The following GALNTL6 variants were observed in gnomAD, a reference collection of about 807,000 sequenced individuals.
GALNTL6 encodes polypeptide N-acetylgalactosaminyltransferase-like 6.
A neutral mutation model predicts 73.7 loss-of-function variants in GALNTL6; 46 were observed. That is an observed-to-expected ratio of 0.62 (90% CI 0.49 to 0.80). The LOEUF is 0.80. Among genes scored for constraint, GALNTL6 ranks in the 30% least tolerant of loss-of-function variants. The pLI is 0.00. For synonymous variants in GALNTL6, 259 were observed against 263.7 expected (o/e 0.98, Z 0.17); for missense variants, 604 against 755.0 (o/e 0.80, Z 2.34).
chr4:171,814,434 TGCA>T lies in GALNTL6; in HGVS notation c.-145_-143del, dbSNP rs2110789722. On this transcript the variant is annotated 5_prime_UTR_variant, in exon 2 of 13. Transcript: ENST00000506823. ...CAGATGGCCAACTCCCTCTGAATCC[TGCA>T]GATTGGTGCTGAGCACGCAACAAAA... 4.0e-6 allele frequency: 3 copies of T among 740,864 alleles called. No homozygotes were observed. The East Asian group carries it at 8.0e-5, about 20-fold the overall frequency. The allele number at this position is 740,864 out of a possible 1,614,324, so 45.9% of individuals were successfully genotyped here. A position where few individuals can be genotyped will look rare whatever the true frequency, so the allele number is the denominator to read the frequency against.
At chr4:172,556,546 A>G (rs1472012496) in intron 5 of GALNTL6, among the ~76,000 whole-genome samples, 2 of 152,088 alleles carry the variant, frequency 1.3e-5, no homozygotes, top group Non-Finnish European at 1.5e-5. Flanking sequence ...ATAAAAAATT[A>G]TGAGTTGGTT....
At chr4:172,037,049 G>T (rs904301795) in intron 2 of GALNTL6, among the ~76,000 whole-genome samples, 1 of 152,014 alleles carries the variant, frequency 6.6e-6, no homozygotes, top group Non-Finnish European at 1.5e-5. Flanking sequence ...TACATTAGAT[G>T]ATTATACATT....
chr4:171,862,808 T>TC (rs1313979840), intron 2 of GALNTL6, among the ~76,000 whole-genome samples: 17 of 152,234 alleles, frequency 1.1e-4, no homozygotes, highest in Admixed American at 1.1e-3. Flanking sequence ...ACCTAAAAAG[T>TC]CTTAAGTGTA....
Position 172,473,143 on chromosome 4 carries a change from T to C in GALNTL6, c.553+124454T>C, listed in dbSNP as rs1733113322. On this transcript the variant is annotated intron_variant, in intron 5 of 12. Transcript: ENST00000506823. The stretch of plus-strand genomic sequence containing the variant: ...ACTTCTGCATCATTTGTCCCACAAA[T>C]AAACTATGTGTGCTACCATTGAAGG... Among the ~76,000 whole-genome samples, 3 of 152,210 alleles carry C rather than the reference T, an allele frequency of 2.0e-5. No individual in the cohort carries two copies. The South Asian group carries it at 6.2e-4, about 32-fold the overall frequency.
chr4:172,450,037 G>A lies in GALNTL6; in HGVS notation c.553+101348G>A, dbSNP rs190632996. On this transcript the variant is annotated intron_variant, in intron 5 of 12. Transcript: ENST00000506823. Reference sequence around the variant, plus strand: ...GTATGAGACCAACCTGACGAACATGGAGAAACCCTGTCTCTACTGAAAATA... The same window carrying A: ...GTATGAGACCAACCTGACGAACATGAAGAAACCCTGTCTCTACTGAAAATA... Among the ~76,000 whole-genome samples the A allele has an allele frequency of 2.2e-3, 338 of 152,052 alleles. 2 individuals carry two copies. The highest frequency in any genetic ancestry group is 7.7e-3 in the African/African-American group (320 of 41,472).
At chr4:172,922,203 C>T (rs748614401) in intron 8 of GALNTL6, among the ~76,000 whole-genome samples, 4 of 152,158 alleles carry the variant, frequency 2.6e-5, no homozygotes, top group Non-Finnish European at 5.9e-5. Context: ...TGAGGCCTCC[C>T]CTGCCATGTG....
chr4:171,874,935 T>G (rs1736232855), intron 2 of GALNTL6, among the ~76,000 whole-genome samples: 1 of 152,156 alleles, frequency 6.6e-6, no homozygotes, highest in South Asian at 2.1e-4. Flanking sequence ...TCCTCTCTGT[T>G]CCTTAAAATC....
chr4:172,544,088 C>T (rs1735669193), intron 5 of GALNTL6, among the ~76,000 whole-genome samples: 1 of 152,192 alleles, frequency 6.6e-6, no homozygotes, highest in Admixed American at 6.5e-5. Flanking sequence ...TAAGCTGCTT[C>T]CACAGTTGCC....
At chr4:172,594,483 G>A (rs1737774009) in intron 5 of GALNTL6, among the ~76,000 whole-genome samples, 2 of 152,084 alleles carry the variant, frequency 1.3e-5, no homozygotes, top group Non-Finnish European at 2.9e-5. Flanking sequence ...TTTCCATAAA[G>A]TATGGAAAAT....
intron 2 of GALNTL6, among the ~76,000 whole-genome samples, chr4:172,116,482 G>C (rs577612417): frequency 6.6e-6 from 1 of 151,962 alleles, no homozygotes; most frequent in Non-Finnish European, 1.5e-5. Context: ...TGTTATCCAG[G>C]CTGGTCTCAA....
At chr4:172,731,374 T>G (rs1453412141) in intron 5 of GALNTL6, among the ~76,000 whole-genome samples, 1 of 152,164 alleles carries the variant, frequency 6.6e-6, no homozygotes, top group African/African-American at 2.4e-5. Context: ...TGATTCTTTG[T>G]ATTTCTGAGG....
chr4:172,447,559 T>C (rs1732069270), intron 5 of GALNTL6, among the ~76,000 whole-genome samples: 1 of 152,202 alleles, frequency 6.6e-6, no homozygotes, highest in Non-Finnish European at 1.5e-5. Flanking sequence ...CCATTTATTA[T>C]AACAAATATC....
intron 2 of GALNTL6, among the ~76,000 whole-genome samples, chr4:171,923,827 T>TGTGTGTGTGTGTG (rs1560843047): frequency 1.9e-4 from 28 of 149,328 alleles, no homozygotes; most frequent in East Asian, 6.0e-4. Context: ...TGTGTGTGTG[T>TGTGTGTGTGTGTG]TTGAAGTTCT....
chr4:172,474,189 T>A (rs531998069), intron 5 of GALNTL6, among the ~76,000 whole-genome samples: 15 of 152,156 alleles, frequency 9.9e-5, no homozygotes, highest in African/African-American at 3.4e-4. Context: ...GCTTGGCTAA[T>A]TCCAATTCTC....
chr4:172,864,607 T>C (rs766858786), intron 7 of GALNTL6, among the ~76,000 whole-genome samples: 2 of 152,222 alleles, frequency 1.3e-5, no homozygotes, highest in African/African-American at 2.4e-5. Flanking sequence ...TTTTCACTTA[T>C]AATATACAGT....
intron 5 of GALNTL6, among the ~76,000 whole-genome samples, chr4:172,438,580 C>T (rs1236369504): frequency 2.6e-5 from 4 of 152,000 alleles, no homozygotes; most frequent in South Asian, 4.1e-4. Flanking sequence ...ATAGTATATG[C>T]CCTTGACAAA....
intron 5 of GALNTL6, among the ~76,000 whole-genome samples, chr4:172,741,181 T>C (rs1334017076): frequency 6.6e-6 from 1 of 151,830 alleles, no homozygotes; most frequent in Non-Finnish European, 1.5e-5. Context: ...TAAAGAAAAA[T>C]GAAAATAATT....
At chr4:172,630,387 TA>T (rs1739342225) in intron 5 of GALNTL6, among the ~76,000 whole-genome samples, 1 of 152,098 alleles carries the variant, frequency 6.6e-6, no homozygotes. Context: ...TATCTTTTTA[TA>T]ACAAATCATC....
chr4:172,934,967 C>G (rs1446333708), intron 9 of GALNTL6, among the ~76,000 whole-genome samples: 1 of 152,220 alleles, frequency 6.6e-6, no homozygotes, highest in Non-Finnish European at 1.5e-5. Context: ...TCCACAAACT[C>G]CTCTGTGAAT....
Sources: gnomAD v4.1 joint callset for allele counts (sites outside exome capture counted in the v4.1 genomes callset) on GRCh38, gnomAD v4.1.1 for gene constraint, MANE v1.5 for transcripts, NCBI Gene and HGNC (gene_info 2026-07-23, HGNC 2026-07-21) for gene names.